Variants in TBXAS1 observed in about 807,000 individuals in gnomAD.
TBXAS1 encodes thromboxane-A synthase.
In TBXAS1, 48 loss-of-function variants were observed where a neutral mutation model predicts 60.7. The ratio of observed to expected loss-of-function variants is 0.79; its 90% CI spans 0.63 to 1.01. TBXAS1 has a LOEUF of 1.01. TBXAS1 is among the 50% of genes least tolerant of loss of function. The pLI, the probability that TBXAS1 is intolerant of heterozygous loss-of-function variation, is 0.00. For missense variants in TBXAS1, 685 were observed against 686.3 expected (o/e 1.00, Z 0.02); for synonymous variants, 287 against 269.7 (o/e 1.06, Z -0.63).
At chr7:139,888,769 TGTGC>T (rs1007937234) in intron 3 of TBXAS1, among the ~76,000 whole-genome samples, 7 of 152,290 alleles carry the variant, frequency 4.6e-5, no homozygotes, top group Admixed American at 2.0e-4. Flanking sequence ...AGGCCAAATG[TGTGC>T]TAGGAAAATG....
At chr7:139,801,528 T>G (rs2116358201) in intron 4 of TBXAS1, among the ~76,000 whole-genome samples, 1 of 152,208 alleles carries the variant, frequency 6.6e-6, no homozygotes, top group Non-Finnish European at 1.5e-5. Context: ...TGGTGTGCAG[T>G]GGCACAACTC....
chr7:139,961,234 A>G (rs1409885443), intron 8 of TBXAS1, among the ~76,000 whole-genome samples: 1 of 152,228 alleles, frequency 6.6e-6, no homozygotes, highest in African/African-American at 2.4e-5. Context: ...GCGCCGCCAA[A>G]CTAGTCCCCT....
chr7:139,824,921 C>G (rs573235604), upstream of TBXAS1, among the ~76,000 whole-genome samples: 89 of 150,058 alleles, frequency 5.9e-4, no homozygotes, highest in Non-Finnish European at 1.1e-3. Flanking sequence ...CCTCTGCCTC[C>G]TGGGTTCAAA....
At chr7:139,912,873 G>A (rs2117056678) in intron 4 of TBXAS1, among the ~76,000 whole-genome samples, 1 of 152,292 alleles carries the variant, frequency 6.6e-6, no homozygotes, top group Non-Finnish European at 1.5e-5. Context: ...AAGGTTCAGA[G>A]AGGCTAAATG....
chr7:139,828,350 A>T (rs1020562041), upstream of TBXAS1, among the ~76,000 whole-genome samples: 2 of 152,160 alleles, frequency 1.3e-5, no homozygotes, highest in African/African-American at 4.8e-5. Flanking sequence ...TTTTTCTTTA[A>T]GCTATTTCAT....
intron 4 of TBXAS1, among the ~76,000 whole-genome samples, chr7:139,806,608 G>T (rs1180654408): frequency 6.6e-6 from 1 of 152,014 alleles, no homozygotes; most frequent in Non-Finnish European, 1.5e-5. Context: ...GCTGGGGATT[G>T]AACACCTATG....
At chr7:139,980,607 CA>C (rs147155943) in intron 9 of TBXAS1, among the ~76,000 whole-genome samples, 2,182 of 151,948 alleles carry the variant, frequency 0.014, 59 homozygotes, top group African/African-American at 0.05. Flanking sequence ...AGTTTCCTAT[CA>C]TCTCTCCTCC....
chr7:139,912,898 CA>C (rs2117056812), intron 4 of TBXAS1, among the ~76,000 whole-genome samples: 1 of 152,294 alleles, frequency 6.6e-6, no homozygotes, highest in Admixed American at 6.5e-5. Context: ...ACCCTGGTAA[CA>C]TGGCTTAACA....
chr7:139,951,898 G>GAAAA (rs1809350318), intron 5 of TBXAS1, among the ~76,000 whole-genome samples: 2 of 22,818 alleles, frequency 8.8e-5, no homozygotes, highest in Non-Finnish European at 9.7e-5. Flanking sequence ...AAGGAAGGAA[G>GAAAA]GAAAGAAAGA....
chr7:139,910,156 A>G (rs192854656), intron 3 of TBXAS1, among the ~76,000 whole-genome samples: 51 of 152,194 alleles, frequency 3.4e-4, no homozygotes, highest in African/African-American at 1.2e-3. Flanking sequence ...TTAATTGCCT[A>G]ATTGTCTCTC....
intron 5 of TBXAS1, among the ~76,000 whole-genome samples, chr7:139,947,718 G>A (rs780711745): frequency 9.2e-5 from 14 of 152,138 alleles, no homozygotes; most frequent in South Asian, 2.1e-4. Flanking sequence ...CCTCACACTC[G>A]GCATCACCTG....
chr7:139,786,421 A>G (rs1188067759), intron 3 of TBXAS1, among the ~76,000 whole-genome samples: 1 of 152,202 alleles, frequency 6.6e-6, no homozygotes, highest in Admixed American at 6.5e-5. Context: ...GATAGAATGC[A>G]AGGAAGAATT....
At chr7:139,882,132 G>T (rs1220806286) in intron 3 of TBXAS1, among the ~76,000 whole-genome samples, 14 of 152,216 alleles carry the variant, frequency 9.2e-5, no homozygotes, top group Non-Finnish European at 2.1e-4. Context: ...TTGAAGAACA[G>T]CATAGAGATG....
At chr7:139,992,429 G>A (rs962508404) in intron 9 of TBXAS1, among the ~76,000 whole-genome samples, 1 of 152,212 alleles carries the variant, frequency 6.6e-6, no homozygotes, top group African/African-American at 2.4e-5. Context: ...CCACTCTCTT[G>A]GGTCCAAAGG....
intron 9 of TBXAS1, among the ~76,000 whole-genome samples, chr7:139,990,509 G>A (rs1812810317): frequency 6.6e-6 from 1 of 151,954 alleles, no homozygotes; most frequent in South Asian, 2.1e-4. Context: ...CTGTCTGGGG[G>A]CACGGGAACC....
intron 5 of TBXAS1, among the ~76,000 whole-genome samples, chr7:139,942,432 C>T (rs748742218): frequency 2.6e-5 from 4 of 152,216 alleles, no homozygotes; most frequent in Non-Finnish European, 5.9e-5. Context: ...GAGCAATTAT[C>T]CTTTGCAGGT....
chr7:139,926,581 T>C (rs958134570), intron 4 of TBXAS1, among the ~76,000 whole-genome samples: 1 of 152,074 alleles, frequency 6.6e-6, no homozygotes, highest in East Asian at 1.9e-4. Context: ...AAAAACCAAC[T>C]TTTTATTTTG....
intron 4 of TBXAS1, among the ~76,000 whole-genome samples, chr7:139,809,198 T>TGATAGATAGATAGATA (rs1554466809): frequency 7.8e-4 from 109 of 140,406 alleles, no homozygotes; most frequent in South Asian, 8.9e-4. Flanking sequence ...AGGAGATAGA[T>TGATAGATAGATAGATA]GATAGATAGA....
intron 1 of TBXAS1, among the ~76,000 whole-genome samples, chr7:139,848,020 T>C (rs1056028276): frequency 6.6e-6 from 1 of 152,058 alleles, no homozygotes; most frequent in Middle Eastern, 3.2e-3. Flanking sequence ...GAGGTCTTGC[T>C]ATATTTCCCA....
Sources: allele counts gnomAD v4.1 joint callset (sites outside exome capture counted in the v4.1 genomes callset), GRCh38; gene constraint gnomAD v4.1.1; transcripts MANE v1.5; gene names NCBI Gene and HGNC (gene_info 2026-07-23, HGNC 2026-07-21).